Variants in CEP44 observed in about 807,000 individuals in gnomAD.
CEP44 encodes centrosomal protein of 44 kDa.
CEP44 carries 45 observed loss-of-function variants against 46.7 expected under a neutral mutation model. The observed-to-expected ratio is 0.96, with a 90% CI of 0.76 to 1.24. The LOEUF (loss-of-function observed/expected upper bound fraction) is 1.24, where lower values mean the gene tolerates loss of function less well. CEP44 is among the 50% of genes most tolerant of loss of function. The pLI, the probability that CEP44 is intolerant of heterozygous loss-of-function variation, is 0.00. For synonymous variants in CEP44, 142 were observed against 146.0 expected (o/e 0.97, Z 0.20); for missense variants, 475 against 459.7 (o/e 1.03, Z -0.30).
At chr4:174,295,120 G>C (rs1276063802) in intron 1 of CEP44, among the ~76,000 whole-genome samples, 4 of 151,712 alleles carry the variant, frequency 2.6e-5, no homozygotes, top group Admixed American at 6.6e-5. Flanking sequence ...GGCTGGCCTG[G>C]CGGGGGCTGA....
In CEP44 at chr4:174,318,724, A is replaced by G; in HGVS notation, c.*1341A>G. On this transcript the variant is annotated 3_prime_UTR_variant, in exon 12 of 12. Coordinates refer to ENST00000503780, the MANE Select transcript of CEP44 (RefSeq NM_001040157.3). Reference sequence around the variant, plus strand: ...ATATAAAATATTGTTATATGAGTAGAAATCACTTAAATTTTTTTTGTGTTT... The same window carrying G: ...ATATAAAATATTGTTATATGAGTAGGAATCACTTAAATTTTTTTTGTGTTT... The G allele has an allele frequency of 1.3e-6, 1 of 767,554 alleles. No homozygotes were observed. The highest frequency in any genetic ancestry group is 1.6e-6 in the Non-Finnish European group (1 of 632,196). The allele number at this position is 767,554 out of a possible 1,614,324, so 47.5% of individuals were successfully genotyped here. A position where few individuals can be genotyped will look rare whatever the true frequency, so the allele number is the denominator to read the frequency against.
downstream of CEP44, among the ~76,000 whole-genome samples, chr4:174,321,636 A>G (rs550589769): frequency 1.3e-4 from 20 of 152,244 alleles, no homozygotes; most frequent in African/African-American, 4.3e-4. Flanking sequence ...TTCTGCATAC[A>G]TATTTGTTTT....
chr4:174,289,696 A>G (rs144429816), intron 1 of CEP44, among the ~76,000 whole-genome samples: 570 of 152,046 alleles, frequency 3.7e-3, no homozygotes, highest in African/African-American at 0.013. Context: ...AGTTTTGTCA[A>G]TTTTTAAAAT....
At chr4:174,324,495 G>C (rs1657507304), downstream of CEP44, among the ~76,000 whole-genome samples, 1 of 152,110 alleles carries the variant, frequency 6.6e-6, no homozygotes, top group Non-Finnish European at 1.5e-5. Flanking sequence ...TGGCCCATTT[G>C]CTTTTCCCAC....
intron 11 of CEP44, 51 bp downstream of exon 11, chr4:174,316,618 A>G (rs1741753714): frequency 6.7e-7 from 1 of 1,483,460 alleles, no homozygotes; most frequent in Non-Finnish European, 9.2e-7. Context: ...AGGGAATTGT[A>G]TTGGATTACA....
In CEP44 at chr4:174,310,066, T is replaced by C; in HGVS notation, c.885+10T>C. On this transcript the variant is annotated intron_variant, in intron 8 of 11. Coordinates refer to ENST00000503780, the MANE Select transcript of CEP44 (RefSeq NM_001040157.3). This position sits in a 1 kb window ranked among gnomAD's most constrained non-coding sequence, Gnocchi z 4.2. ...GCTTTTGTCTAAAAAGGTATTTTCCTCCTTTAACATTTATAAAATATCTCA... is the reference window on the plus strand; with the variant it reads ...GCTTTTGTCTAAAAAGGTATTTTCCCCCTTTAACATTTATAAAATATCTCA... 6.3e-7 allele frequency: 1 copy of C among 1,599,960 alleles called. No individual in the cohort carries two copies. The highest frequency in any genetic ancestry group is 8.5e-7 in the Non-Finnish European group (1 of 1,174,642).
intron 4 of CEP44, among the ~76,000 whole-genome samples, chr4:174,303,064 G>A (rs554242433): frequency 3.9e-5 from 6 of 152,122 alleles, no homozygotes; most frequent in Non-Finnish European, 8.8e-5. Context: ...ACAGGCATGA[G>A]CCACCGCACC....
chr4:174,310,982 A>C lies in CEP44; in HGVS notation c.961+124A>C. On this transcript the variant is annotated intron_variant, in intron 9 of 11. Transcript: ENST00000503780. This position sits in a 1 kb window ranked among gnomAD's most constrained non-coding sequence, Gnocchi z 4.2. Reference sequence around the variant, plus strand: ...GCAAAGCTCCTAGAACAAAGAACATAATGAACCTACAGACTACTAAAGCCA... The same window carrying C: ...GCAAAGCTCCTAGAACAAAGAACATCATGAACCTACAGACTACTAAAGCCA... The C allele has an allele frequency of 1.9e-6, 1 of 524,700 alleles. No individual in the cohort carries two copies. The highest frequency in any genetic ancestry group is 3.4e-6 in the Non-Finnish European group (1 of 298,108). 32.5% of individuals were successfully genotyped at this position (524,700 alleles called of 1,614,324 possible). A position where few individuals can be genotyped will look rare whatever the true frequency, so the allele number is the denominator to read the frequency against.
At chr4:174,299,645 G>A (rs1739478230) in intron 3 of CEP44, among the ~76,000 whole-genome samples, 1 of 152,100 alleles carries the variant, frequency 6.6e-6, no homozygotes, top group African/African-American at 2.4e-5. Context: ...ATAGAGGAAA[G>A]ATTTTATACA....
intron 8 of CEP44, among the ~76,000 whole-genome samples, chr4:174,328,317 G>A (rs1482054502): frequency 1.3e-5 from 2 of 152,194 alleles, no homozygotes; most frequent in Non-Finnish European, 2.9e-5. Context: ...GCTGTTTTGA[G>A]TAGATGATGG....
Position 174,310,493 on chromosome 4 carries a change from T to A in CEP44, c.886-290T>A, listed in dbSNP as rs1314489720. 6.6e-6 allele frequency among the ~76,000 whole-genome samples: 1 copy of A among 151,980 alleles called. No homozygotes were observed. Among genetic ancestry groups the A allele is most frequent in the Admixed American group, 6.6e-5 (1 of 15,242 alleles). On this transcript the variant is annotated intron_variant, in intron 8 of 11. Coordinates refer to ENST00000503780, the MANE Select transcript of CEP44 (RefSeq NM_001040157.3). The surrounding 1 kb of genome is among the most constrained non-coding windows in gnomAD (Gnocchi z 4.2). ...AATTTCATAGAATAGTTACCAGATT[T>A]ACCATTGCCTTATCAAATCTGAGAA...
Position 174,318,501 on chromosome 4 carries a change from T to C in CEP44, c.*1118T>C, listed in dbSNP as rs950220704. On this transcript the variant is annotated 3_prime_UTR_variant, in exon 12 of 12. Transcript: ENST00000503780. ...ATGGAAAAATGAAATTTATTTTTAA[T>C]ATTACTACTATATGAATTATCTTTT... 26 of 851,436 alleles carry C rather than the reference T, an allele frequency of 3.1e-5. No homozygotes were observed. The highest frequency in any genetic ancestry group is 3.4e-5 in the Non-Finnish European group (25 of 727,748). The allele number at this position is 851,436 out of a possible 1,614,324, so 52.7% of individuals were successfully genotyped here. A position where few individuals can be genotyped will look rare whatever the true frequency, so the allele number is the denominator to read the frequency against.
At chr4:174,321,014 G>C (rs1361988145), downstream of CEP44, among the ~76,000 whole-genome samples, 1 of 152,024 alleles carries the variant, frequency 6.6e-6, no homozygotes. Flanking sequence ...CTTCAATCTA[G>C]TATCTGGACT....
intron 1 of CEP44, among the ~76,000 whole-genome samples, chr4:174,291,118 G>T (rs1033380479): frequency 6.6e-6 from 1 of 151,944 alleles, no homozygotes; most frequent in Non-Finnish European, 1.5e-5. Context: ...TCTACTGAGA[G>T]CCCTTAATTA....
chr4:174,318,268 G>T lies in CEP44; in HGVS notation c.*885G>T. ...ATTAGAGACAGGGTTTCTCCGTGTT[G>T]GTCAGGCTGGTCTCAAACTCCTGAC... On this transcript the variant is annotated 3_prime_UTR_variant, in exon 12 of 12. Transcript: ENST00000503780. 2.3e-6 allele frequency: 2 copies of T among 879,532 alleles called. No homozygotes were observed. The highest frequency in any genetic ancestry group is 2.7e-6 in the Non-Finnish European group (2 of 733,674). 54.5% of individuals were successfully genotyped at this position (879,532 alleles called of 1,614,324 possible).
At chr4:174,302,557 T>C (rs1179137868) in intron 4 of CEP44, among the ~76,000 whole-genome samples, 2 of 152,078 alleles carry the variant, frequency 1.3e-5, no homozygotes, top group East Asian at 3.9e-4. Flanking sequence ...GAAGGAACTA[T>C]TACTGACATT....
In CEP44 at chr4:174,310,579, A is replaced by T. The variant is rs1434840066; in HGVS notation, c.886-204A>T. 7.9e-5 allele frequency among the ~76,000 whole-genome samples: 12 copies of T among 152,064 alleles called. No individual in the cohort carries two copies. The South Asian group carries it at 2.5e-3, about 31-fold the overall frequency. On this transcript the variant is annotated intron_variant, in intron 8 of 11. Transcript: ENST00000503780. The surrounding 1 kb of genome is among the most constrained non-coding windows in gnomAD (Gnocchi z 4.2). Reference sequence around the variant, plus strand: ...TCTGTCTTTCCTTCCTAGAAGGTGAAGTCAAGTAGCTTGCTATCTGCTTCC... The same window carrying T: ...TCTGTCTTTCCTTCCTAGAAGGTGATGTCAAGTAGCTTGCTATCTGCTTCC...
At chr4:174,321,136 T>G (rs1340720632), downstream of CEP44, among the ~76,000 whole-genome samples, 1 of 152,162 alleles carries the variant, frequency 6.6e-6, no homozygotes, top group Non-Finnish European at 1.5e-5. Flanking sequence ...CTTGACCTAC[T>G]TACTACATTA....
chr4:174,317,266 C>T, intron 11 of CEP44, 69 bp from the exon 12 acceptor site: 1 of 637,004 alleles, frequency 1.6e-6, no homozygotes, highest in Non-Finnish European at 2.4e-6. Context: ...AGCATAATTT[C>T]AACAACTAAA....
Sources: allele counts gnomAD v4.1 joint callset (sites outside exome capture counted in the v4.1 genomes callset), GRCh38; gene constraint gnomAD v4.1.1; non-coding constraint Gnocchi (gnomAD v3.1); transcripts MANE v1.5; gene names NCBI Gene and HGNC (gene_info 2026-07-23, HGNC 2026-07-21).